Variants in MIB1 observed in about 807,000 individuals in gnomAD.
The protein encoded by MIB1 is E3 ubiquitin-protein ligase MIB1.
MIB1 carries 278 observed loss-of-function variants against 124.5 expected under a neutral mutation model. That is an observed-to-expected ratio of 2.23 (90% CI 2.02 to 2.47). MIB1 has a LOEUF of 2.47. Among genes scored for constraint, MIB1 ranks in the 30% most tolerant of loss-of-function variants. The pLI is 0.00. For missense variants in MIB1, 957 were observed against 1,254.4 expected, an observed-to-expected ratio of 0.76 and a Z score of 3.58; for synonymous variants, 446 against 429.4, an observed-to-expected ratio of 1.04 and a Z score of -0.48.
rs1298329470 is a variant in MIB1 at position 21,867,778 on chromosome 18, G to A, written c.*3112G>A. ...AAACTTGCTGGGTCATTTTTACATAGTAGAAACATACTGTCTATGTGTTGC... is the reference window on the plus strand; with the variant it reads ...AAACTTGCTGGGTCATTTTTACATAATAGAAACATACTGTCTATGTGTTGC... On this transcript the variant is annotated 3_prime_UTR_variant, in exon 21 of 21. Transcript: ENST00000261537. The A allele has an allele frequency of 6.6e-6, 1 of 152,518 alleles. No homozygotes were observed. The highest frequency in any genetic ancestry group is 2.4e-5 in the African/African-American group (1 of 41,438). The allele number at this position is 152,518 out of a possible 1,614,324, so 9.4% of individuals were successfully genotyped here. A position where few individuals can be genotyped will look rare whatever the true frequency, so the allele number is the denominator to read the frequency against.
intron 1 of MIB1, among the ~76,000 whole-genome samples, chr18:21,719,172 G>A (rs2040702951): frequency 6.8e-6 from 1 of 146,884 alleles, no homozygotes; most frequent in Non-Finnish European, 1.5e-5. Context: ...TGGGCAACAA[G>A]AGCAAAACTC....
intron 1 of MIB1, among the ~76,000 whole-genome samples, chr18:21,718,909 A>G (rs974808229): frequency 1.3e-5 from 2 of 152,194 alleles, no homozygotes; most frequent in African/African-American, 4.8e-5. Context: ...TTAAAAAATT[A>G]GCCAGGCATG....
intron 4 of MIB1, among the ~76,000 whole-genome samples, chr18:21,776,958 CAG>C (rs1268866598): frequency 2.0e-5 from 3 of 150,844 alleles, no homozygotes; most frequent in African/African-American, 7.3e-5. Context: ...GCCTGGGTGA[CAG>C]AGCGAGACTC....
chr18:21,796,140 G>GT (rs1316070279), intron 7 of MIB1, among the ~76,000 whole-genome samples: 2 of 144,820 alleles, frequency 1.4e-5, no homozygotes, highest in Non-Finnish European at 3.0e-5. Context: ...TTGTAAATTT[G>GT]TTTAAGTTCC....
intron 20 of MIB1, among the ~76,000 whole-genome samples, chr18:21,862,796 T>C (rs2042287514): frequency 6.6e-6 from 1 of 152,148 alleles, no homozygotes; most frequent in South Asian, 2.1e-4. Flanking sequence ...TATCTAAGCA[T>C]AGTGCCTGAC....
chr18:21,857,260 A>C lies in MIB1; in HGVS notation c.2779+17A>C. ...ATGATATCTGTAAGTCGATTGTCTTAAGCATTTTCATATTTTGCTTTTTTT... is the reference window on the plus strand; with the variant it reads ...ATGATATCTGTAAGTCGATTGTCTTCAGCATTTTCATATTTTGCTTTTTTT... On this transcript the variant is annotated intron_variant, in intron 19 of 20. Transcript: ENST00000261537. 1.9e-6 allele frequency: 3 copies of C among 1,581,794 alleles called. No individual in the cohort carries two copies. The highest frequency in any genetic ancestry group is 3.3e-4 in the Middle Eastern group (2 of 5,972).
At chr18:21,816,615 T>C (rs2041831924) in intron 11 of MIB1, among the ~76,000 whole-genome samples, 2 of 152,320 alleles carry the variant, frequency 1.3e-5, no homozygotes, top group East Asian at 3.9e-4. Flanking sequence ...TAATGATTTT[T>C]TAAAAAGTAG....
chr18:21,757,659 T>A (rs1248852260), intron 1 of MIB1, among the ~76,000 whole-genome samples: 1 of 150,566 alleles, frequency 6.6e-6, no homozygotes, highest in Non-Finnish European at 1.5e-5. Flanking sequence ...TGCTTTTTTG[T>A]GTTTTTAGTA....
chr18:21,713,707 A>G (rs2040676169), intron 1 of MIB1, among the ~76,000 whole-genome samples: 1 of 150,050 alleles, frequency 6.7e-6, no homozygotes, highest in Non-Finnish European at 1.5e-5. Flanking sequence ...TTGGCCTCCC[A>G]AAATGCTAGG....
intron 17 of MIB1, among the ~76,000 whole-genome samples, chr18:21,851,637 G>A (rs1228624925): frequency 6.6e-6 from 1 of 152,054 alleles, no homozygotes; most frequent in African/African-American, 2.4e-5. Flanking sequence ...ATACAAAGAA[G>A]GAAATTAATT....
intron 4 of MIB1, among the ~76,000 whole-genome samples, chr18:21,774,588 T>C (rs1192287550): frequency 6.6e-6 from 1 of 152,220 alleles, no homozygotes; most frequent in East Asian, 1.9e-4. Context: ...GGAGTGAGAC[T>C]GTATCTCAAA....
At chr18:21,779,416 T>C (rs2146425732) in intron 5 of MIB1, 65 bp from the exon 6 acceptor site, 1 of 1,261,984 alleles carries the variant, frequency 7.9e-7, no homozygotes, top group Non-Finnish European at 1.2e-6. Flanking sequence ...TATTTAAAGA[T>C]AATGCAGCTG....
chr18:21,798,443 C>T (rs896290589), intron 8 of MIB1, among the ~76,000 whole-genome samples: 4 of 152,024 alleles, frequency 2.6e-5, no homozygotes, highest in Non-Finnish European at 2.9e-5. Context: ...CTGAAGTACT[C>T]CCTGGAGAAG....
chr18:21,848,410 A>G (rs1041726144), intron 16 of MIB1, among the ~76,000 whole-genome samples: 3 of 152,102 alleles, frequency 2.0e-5, no homozygotes, highest in African/African-American at 4.8e-5. Flanking sequence ...AGATCACACC[A>G]CTGTACTCCA....
chr18:21,816,660 A>ACAGCATCCAG (rs2041832185), intron 11 of MIB1, among the ~76,000 whole-genome samples: 1 of 152,236 alleles, frequency 6.6e-6, no homozygotes, highest in Admixed American at 6.5e-5. Flanking sequence ...CTTGTAGTTT[A>ACAGCATCCAG]GATAATTTAC....
intron 19 of MIB1, among the ~76,000 whole-genome samples, chr18:21,857,519 T>G (rs2042240138): frequency 6.6e-6 from 1 of 152,256 alleles, no homozygotes; most frequent in African/African-American, 2.4e-5. Context: ...AAAGAAAATT[T>G]GTGCTCTATT....
chr18:21,825,162 G>A (rs1349090227), intron 12 of MIB1, among the ~76,000 whole-genome samples: 1 of 152,100 alleles, frequency 6.6e-6, no homozygotes, highest in Non-Finnish European at 1.5e-5. Context: ...ATATTCTACA[G>A]TTATCATCTT....
intron 10 of MIB1, among the ~76,000 whole-genome samples, chr18:21,805,660 C>T (rs1222615226): frequency 6.6e-6 from 1 of 152,036 alleles, no homozygotes; most frequent in Non-Finnish European, 1.5e-5. Context: ...AAACCAAAGT[C>T]CTTCTGATTA....
rs1278149896 is a variant in MIB1, at chr18:21,781,371, A to ATATGTG, written c.908+1689_908+1690insGTGTAT. Among the ~76,000 whole-genome samples the ATATGTG allele has an allele frequency of 1.5e-4, 3 of 19,892 alleles. No individual in the cohort carries two copies. The East Asian group carries it at 5.7e-3, about 38-fold the overall frequency. 13.0% of individuals were successfully genotyped at this position (19,892 alleles called of 152,430 possible). A position where few individuals can be genotyped will look rare whatever the true frequency, so the allele number is the denominator to read the frequency against. Reference sequence around the variant, plus strand: ...CATTATTGGTCTGTTCAAGTTATATATATATATATATATATATATATATAT... The same window carrying ATATGTG: ...CATTATTGGTCTGTTCAAGTTATATATATGTGTATATATATATATATATATATATAT... On this transcript the variant is annotated intron_variant, in intron 6 of 20. Coordinates refer to ENST00000261537, the MANE Select transcript of MIB1 (RefSeq NM_020774.4).
Sources: allele counts gnomAD v4.1 joint callset (sites outside exome capture counted in the v4.1 genomes callset), GRCh38; gene constraint gnomAD v4.1.1; transcripts MANE v1.5; gene names NCBI Gene and HGNC (gene_info 2026-07-23, HGNC 2026-07-21).